The following DNM3 variants were observed in gnomAD, a reference collection of about 807,000 sequenced individuals.
DNM3 encodes dynamin-3.
A neutral mutation model predicts 101.6 loss-of-function variants in DNM3; 47 were observed. The ratio of observed to expected loss-of-function variants is 0.46; its 90% CI spans 0.37 to 0.59. The LOEUF is 0.59. Among genes scored for constraint, DNM3 ranks in the 20% least tolerant of loss-of-function variants. DNM3 has a pLI of 0.00. For missense variants in DNM3, 849 were observed against 1,085.7 expected (o/e 0.78, Z 3.06); for synonymous variants, 385 against 387.9 (o/e 0.99, Z 0.09).
chr1:172,202,561 G>A (rs80195944), intron 14 of DNM3, among the ~76,000 whole-genome samples: 7 of 152,028 alleles, frequency 4.6e-5, no homozygotes, highest in Non-Finnish European at 1.0e-4. Flanking sequence ...TTACTAAATT[G>A]TGGGGTTCTT....
chr1:171,956,841 G>A (rs756205040), intron 2 of DNM3, among the ~76,000 whole-genome samples: 11 of 152,086 alleles, frequency 7.2e-5, no homozygotes, highest in Non-Finnish European at 5.9e-5. Flanking sequence ...CTGTGCCCCC[G>A]CAGACTCAAT....
At chr1:172,202,861 G>A (rs748966276) in intron 14 of DNM3, among the ~76,000 whole-genome samples, 11 of 152,176 alleles carry the variant, frequency 7.2e-5, no homozygotes, top group Non-Finnish European at 1.5e-4. Context: ...AGAAAAGGTT[G>A]ACTGAGAGTG....
At chr1:172,393,081 C>A (rs969683085) in intron 20 of DNM3, 5 of 152,204 alleles carry the variant, frequency 3.3e-5, no homozygotes, top group African/African-American at 1.2e-4. Flanking sequence ...TTATGTGGCA[C>A]ACTTTAAGAG....
chr1:172,290,931 C>T (rs542372054), intron 15 of DNM3, among the ~76,000 whole-genome samples: 3 of 152,092 alleles, frequency 2.0e-5, no homozygotes, highest in African/African-American at 2.4e-5. Flanking sequence ...GGGAGTCAGG[C>T]GGGTGTGATA....
chr1:172,091,410 G>A (rs1393680613), intron 12 of DNM3, among the ~76,000 whole-genome samples: 1 of 152,198 alleles, frequency 6.6e-6, no homozygotes, highest in Non-Finnish European at 1.5e-5. Flanking sequence ...GAGGAAGGGA[G>A]GGATGCGGTT....
At chr1:172,218,349 T>G (rs2060780751) in intron 14 of DNM3, among the ~76,000 whole-genome samples, 1 of 152,106 alleles carries the variant, frequency 6.6e-6, no homozygotes, top group Non-Finnish European at 1.5e-5. Flanking sequence ...GATTTTTTTT[T>G]TTAAAGTGAA....
intron 10 of DNM3, among the ~76,000 whole-genome samples, chr1:172,067,975 A>T (rs1441412444): frequency 6.6e-6 from 1 of 152,100 alleles, no homozygotes; most frequent in Non-Finnish European, 1.5e-5. Flanking sequence ...ACCATTTTTG[A>T]GCTGTTTAGT....
chr1:172,381,122 T>C (rs532890700), intron 18 of DNM3: 1 of 150,888 alleles, frequency 6.6e-6, no homozygotes, highest in Non-Finnish European at 1.5e-5. Flanking sequence ...AATGCAGGGG[T>C]AGTTTCCCTC....
chr1:172,157,521 G>A (rs1299662041), intron 14 of DNM3, among the ~76,000 whole-genome samples: 1 of 152,064 alleles, frequency 6.6e-6, no homozygotes, highest in Non-Finnish European at 1.5e-5. Context: ...TTGTATTTAT[G>A]AAGCACTTAG....
chr1:172,068,475 T>C (rs1207973221), intron 10 of DNM3, among the ~76,000 whole-genome samples: 1 of 152,236 alleles, frequency 6.6e-6, no homozygotes, highest in East Asian at 1.9e-4. Context: ...TTAGTCATTA[T>C]CCTTTTCTTT....
At chr1:171,860,875 C>G (rs1029433565) in intron 1 of DNM3, among the ~76,000 whole-genome samples, 5 of 151,984 alleles carry the variant, frequency 3.3e-5, no homozygotes, top group African/African-American at 1.2e-4. Context: ...TTGCCATTTC[C>G]TGTAGTGGGA....
intron 17 of DNM3, among the ~76,000 whole-genome samples, chr1:172,339,865 A>C (rs984490277): frequency 1.3e-5 from 2 of 152,210 alleles, no homozygotes; most frequent in African/African-American, 4.8e-5. Context: ...AGAAGTTTAC[A>C]ATAGAGGGTG....
chr1:172,029,189 C>G (rs531944024), intron 4 of DNM3, among the ~76,000 whole-genome samples: 2 of 152,310 alleles, frequency 1.3e-5, no homozygotes, highest in African/African-American at 4.8e-5. Context: ...AATACAGCAG[C>G]ACATCAAACA....
chr1:172,196,133 A>G (rs976398613), intron 14 of DNM3, among the ~76,000 whole-genome samples: 3 of 151,646 alleles, frequency 2.0e-5, no homozygotes, highest in African/African-American at 4.8e-5. Context: ...TTTAGCTCCC[A>G]CCGATAAGTG....
chr1:172,300,429 A>G (rs575475030), intron 15 of DNM3, among the ~76,000 whole-genome samples: 1 of 152,124 alleles, frequency 6.6e-6, no homozygotes, highest in African/African-American at 2.4e-5. Flanking sequence ...TTTTGTTGTA[A>G]TTGCTTTTGA....
chr1:171,922,260 A>G (rs2040237668), intron 2 of DNM3, among the ~76,000 whole-genome samples: 1 of 152,024 alleles, frequency 6.6e-6, no homozygotes, highest in African/African-American at 2.4e-5. Context: ...ACACTGTGCT[A>G]TGCTTCCTTC....
chr1:172,320,496 T>G (rs533959643), intron 16 of DNM3, among the ~76,000 whole-genome samples: 1 of 151,978 alleles, frequency 6.6e-6, no homozygotes, highest in South Asian at 2.1e-4. Context: ...TGGATGAAGC[T>G]GGAAACCTTC....
At chr1:172,092,310 A>G (rs1328533975) in intron 12 of DNM3, among the ~76,000 whole-genome samples, 1 of 152,168 alleles carries the variant, frequency 6.6e-6, no homozygotes, top group East Asian at 1.9e-4. Flanking sequence ...TATCACAAAG[A>G]GTTTGTGATG....
intron 2 of DNM3, among the ~76,000 whole-genome samples, chr1:171,934,454 A>G (rs1027557764): frequency 1.3e-5 from 2 of 152,350 alleles, no homozygotes; most frequent in East Asian, 3.9e-4. Context: ...AATCAAAGCT[A>G]TACTAGTCAG....
Sources: gnomAD v4.1 joint callset for allele counts (sites outside exome capture counted in the v4.1 genomes callset) on GRCh38, gnomAD v4.1.1 for gene constraint, MANE v1.5 for transcripts, NCBI Gene and HGNC (gene_info 2026-07-23, HGNC 2026-07-21) for gene names.